The following FAM131B variants were observed in gnomAD, a reference collection of about 807,000 sequenced individuals.
FAM131B encodes family with sequence similarity 131 member B, also known as protein FAM131B.
Under a neutral mutation model 42.0 loss-of-function variants are expected in FAM131B, and 19 were observed. The observed-to-expected ratio is 0.45, with a 90% CI of 0.32 to 0.66. The LOEUF is 0.66. Among genes scored for constraint, FAM131B ranks in the 30% least tolerant of loss-of-function variants. FAM131B has a pLI of 0.05. For missense variants in FAM131B, 370 were observed against 468.4 expected (o/e 0.79, Z 1.94); for synonymous variants, 183 against 177.6 (o/e 1.03, Z -0.24).
intron 1 of FAM131B, chr7:143,361,976 C>T: frequency 1.1e-6 from 1 of 895,732 alleles, no homozygotes; most frequent in Non-Finnish European, 1.3e-6. Flanking sequence ...GGGCGTGGAA[C>T]CCGGGCTCAT....
chr7:143,356,181 G>A lies in FAM131B; in HGVS notation c.*369C>T, dbSNP rs939864568. 6 of 231,374 alleles carry A rather than the reference G, an allele frequency of 2.6e-5. No individual in the cohort carries two copies. Among genetic ancestry groups the A allele is most frequent in the African/African-American group, 1.1e-4 (5 of 44,046 alleles). The allele number at this position is 231,374 out of a possible 1,614,324, so 14.3% of individuals were successfully genotyped here. The stretch of plus-strand genomic sequence containing the variant: ...AGCAGAGTTACAGCTCCTGGAAGAC[G>A]AAATCGGGGCGTGAAGAACTGAGAT... On this transcript the variant is annotated 3_prime_UTR_variant, in exon 7 of 7. Transcript: ENST00000443739. The surrounding 1 kb of genome is among the most constrained non-coding windows in gnomAD (Gnocchi z 4.4).
chr7:143,378,574 T>G, the FAM131B span, among the ~76,000 whole-genome samples: 8 of 3,468 alleles, frequency 2.3e-3, no homozygotes, highest in African/African-American at 8.9e-3. Flanking sequence ...TTCCTGCATT[T>G]TTTTTTTTTT....
At chr7:143,371,320 A>G in the FAM131B span, among the ~76,000 whole-genome samples, 1 of 152,152 alleles carries the variant, frequency 6.6e-6, no homozygotes, top group African/African-American at 2.4e-5. Flanking sequence ...ATGAAGAAAA[A>G]TTAAGGAAGG....
In FAM131B at chr7:143,356,097, G is replaced by GAATGT; in HGVS notation, c.*452_*453insACATT. On this transcript the variant is annotated 3_prime_UTR_variant, in exon 7 of 7. Coordinates refer to ENST00000443739, the MANE Select transcript of FAM131B (RefSeq NM_001031690.3). This position sits in a 1 kb window ranked among gnomAD's most constrained non-coding sequence, Gnocchi z 4.4. ...TCAGTAGGGATGAGCTGGGGCCACA[G>GAATGT]CCAGAGAAAACAGAGTTGGGAAAAG... 5.5e-6 allele frequency: 1 copy of GAATGT among 181,268 alleles called. No homozygotes were observed. The highest frequency in any genetic ancestry group is 5.3e-5 in the Admixed American group (1 of 18,702). 11.2% of individuals were successfully genotyped at this position (181,268 alleles called of 1,614,324 possible).
Position 143,362,657 on chromosome 7 carries a change from G to A in FAM131B, c.-54C>T. On this transcript the variant is annotated 5_prime_UTR_variant, in exon 1 of 7. Coordinates refer to ENST00000443739, the MANE Select transcript of FAM131B (RefSeq NM_001031690.3). This position sits in a 1 kb window ranked among gnomAD's most constrained non-coding sequence, Gnocchi z 7.7. ...CACCGACTCGGGGCGCGCGCCGGGGGGAGCACCGGGAGCCGCGCCGCCGCC... is the reference window on the plus strand; with the variant it reads ...CACCGACTCGGGGCGCGCGCCGGGGAGAGCACCGGGAGCCGCGCCGCCGCC... The A allele has an allele frequency of 9.4e-7, 1 of 1,068,010 alleles. No individual in the cohort carries two copies. The allele number at this position is 1,068,010 out of a possible 1,614,324, so 66.2% of individuals were successfully genotyped here. A position where few individuals can be genotyped will look rare whatever the true frequency, so the allele number is the denominator to read the frequency against.
chr7:143,371,675 A>C, the FAM131B span, among the ~76,000 whole-genome samples: 1 of 151,622 alleles, frequency 6.6e-6, no homozygotes, highest in Non-Finnish European at 1.5e-5. Flanking sequence ...TAATAATGAA[A>C]GGGCTGGTAT....
the FAM131B span, among the ~76,000 whole-genome samples, chr7:143,373,542 G>A: frequency 4.6e-3 from 699 of 152,334 alleles, 3 homozygotes; most frequent in Middle Eastern, 0.014. Flanking sequence ...TCCACATTCA[G>A]GGCTATGGGG....
chr7:143,381,542 G>A, the FAM131B span: 19 of 1,598,990 alleles, frequency 1.2e-5, no homozygotes, highest in Admixed American at 1.7e-5. Context: ...TGCGTAACCC[G>A]GCGACCCACC....
chr7:143,365,637 G>A (rs1156336458), upstream of FAM131B, among the ~76,000 whole-genome samples: 13 of 152,014 alleles, frequency 8.6e-5, no homozygotes, highest in South Asian at 2.1e-4. Context: ...AGGGTCTCAC[G>A]CTTACCCAGC....
chr7:143,380,025 G>T, the FAM131B span: 1 of 973,698 alleles, frequency 1.0e-6, no homozygotes, highest in Non-Finnish European at 1.2e-6. The surrounding 1 kb of genome is among the most constrained non-coding windows in gnomAD (Gnocchi z 5.0). Flanking sequence ...TGGCCCAGGT[G>T]CTCCTTGCCA....
rs1465243853 is a variant in FAM131B at position 143,358,438 on chromosome 7, G to A, written c.466+389C>T. Reference sequence around the variant, plus strand: ...GTTGTCACAAGTAATGAGTCTAGTAGGCAAATTCATGACTCGAAATGCTAA... The same window carrying A: ...GTTGTCACAAGTAATGAGTCTAGTAAGCAAATTCATGACTCGAAATGCTAA... On this transcript the variant is annotated intron_variant, in intron 5 of 6. Coordinates refer to ENST00000443739, the MANE Select transcript of FAM131B (RefSeq NM_001031690.3). This position sits in a 1 kb window ranked among gnomAD's most constrained non-coding sequence, Gnocchi z 4.7. 2.0e-5 allele frequency among the ~76,000 whole-genome samples: 3 copies of A among 152,162 alleles called. No homozygotes were observed. The highest frequency in any genetic ancestry group is 6.5e-5 in the Admixed American group (1 of 15,282).
At chr7:143,377,827 T>G in the FAM131B span, among the ~76,000 whole-genome samples, 1 of 152,134 alleles carries the variant, frequency 6.6e-6, no homozygotes, top group Non-Finnish European at 1.5e-5. Context: ...GATTCTCCCA[T>G]CTTAGCCTCC....
chr7:143,358,855 A>G lies in FAM131B; in HGVS notation c.438T>C (p.Asp146=), dbSNP rs555349454. 41 of 1,614,138 alleles carry G rather than the reference A, an allele frequency of 2.5e-5. 2 individuals are homozygous for G. In the South Asian group the frequency reaches 4.3e-4, roughly 17 times the overall value. The change falls in exon 5 of 7, where the codon GAT becomes GAC. Residue 146 remains aspartate, a synonymous_variant. Coordinates refer to ENST00000443739, the MANE Select transcript of FAM131B (RefSeq NM_001031690.3). This position sits in a 1 kb window ranked among gnomAD's most constrained non-coding sequence, Gnocchi z 4.7. ...RDTDAYSDLS[D]GEKEARFLAG... ...CTAGAAAACGTGCCTCCTTCTCGCC[A>G]TCGCTGAGGTCGGAGTAGGCATCCG...
chr7:143,359,475 T>TA lies in FAM131B; in HGVS notation c.175-57dup. ...GGAATAAGAAGGTACGGGCGTGCTT[T>TA]ATACATGGAGGAGGTTCATGGTTTC... On this transcript the variant is annotated intron_variant, in intron 3 of 6. Transcript: ENST00000443739. The surrounding 1 kb of genome is among the most constrained non-coding windows in gnomAD (Gnocchi z 5.4). The TA allele has an allele frequency of 7.3e-7, 1 of 1,363,460 alleles. No homozygotes were observed. The allele number at this position is 1,363,460 out of a possible 1,614,324, so 84.5% of individuals were successfully genotyped here.
chr7:143,365,354 G>T (rs1362475814), upstream of FAM131B, among the ~76,000 whole-genome samples: 2 of 152,066 alleles, frequency 1.3e-5, no homozygotes, highest in African/African-American at 4.8e-5. Flanking sequence ...ACAAGAAGGA[G>T]GCAAGATCAT....
chr7:143,379,348 C>T, the FAM131B span, among the ~76,000 whole-genome samples: 1 of 152,226 alleles, frequency 6.6e-6, no homozygotes, highest in Non-Finnish European at 1.5e-5. Flanking sequence ...AGGCCCAGGG[C>T]TGGCTTGAGC....
rs1029007944 is a variant in FAM131B, at chr7:143,355,513, C to T, written c.*1037G>A. ...GAGTGACAGCACCGGACTCCTCCCT[C>T]CACTCCACTCAACCCTGAGTGCCCA... On this transcript the variant is annotated 3_prime_UTR_variant, in exon 7 of 7. Transcript: ENST00000443739. This position sits in a 1 kb window ranked among gnomAD's most constrained non-coding sequence, Gnocchi z 4.1. The T allele has an allele frequency of 2.0e-5, 3 of 152,628 alleles. No homozygotes were observed. Among genetic ancestry groups the T allele is most frequent in the African/African-American group, 7.2e-5 (3 of 41,428 alleles). 9.5% of individuals were successfully genotyped at this position (152,628 alleles called of 1,614,324 possible).
the FAM131B span, among the ~76,000 whole-genome samples, chr7:143,370,914 CTCCATGTTAACAGATTTTGTTCATTT>C: frequency 1.3e-5 from 2 of 152,144 alleles, no homozygotes. Context: ...CACCCTTAGC[CTCCATGTTAACAGATTTTGTTCATTT>C]CTAACCTTAA....
chr7:143,357,202 C>G lies in FAM131B; in HGVS notation c.610+78G>C. On this transcript the variant is annotated intron_variant, in intron 6 of 6. Transcript: ENST00000443739. Reference sequence around the variant, plus strand: ...GATGGACAAGGAAGTCTTAAAAGAACGGAGCTGAGTGGAGGCAGCTGAGAT... The same window carrying G: ...GATGGACAAGGAAGTCTTAAAAGAAGGGAGCTGAGTGGAGGCAGCTGAGAT... The G allele has an allele frequency of 2.0e-6, 3 of 1,464,362 alleles. No individual in the cohort carries two copies. The East Asian group carries it at 6.8e-5, about 33-fold the overall frequency. The allele number at this position is 1,464,362 out of a possible 1,614,324, so 90.7% of individuals were successfully genotyped here.
Sources: gnomAD v4.1 joint callset for allele counts (sites outside exome capture counted in the v4.1 genomes callset) on GRCh38, gnomAD v4.1.1 for gene constraint, Gnocchi (gnomAD v3.1) non-coding constraint, MANE v1.5 for transcripts, NCBI Gene and HGNC (gene_info 2026-07-23, HGNC 2026-07-21) for gene names.